SPRY3: variants seen among roughly 807,000 people sequenced by gnomAD.
SPRY3 encodes the protein sprouty RTK signaling antagonist 3.
In SPRY3, 15 loss-of-function variants were observed where a neutral mutation model predicts 20.2. The observed-to-expected ratio is 0.74, with a 90% confidence interval of 0.50 to 1.14. The LOEUF is 1.14. SPRY3 is among the 50% of genes most tolerant of loss of function. The pLI is 0.00. For missense variants in SPRY3, 364 were observed against 363.9 expected, an observed-to-expected ratio of 1.00 and a Z score of 0.00; for synonymous variants, 143 against 136.5, an observed-to-expected ratio of 1.05 and a Z score of -0.33.
intron 2 of SPRY3, among the ~76,000 whole-genome samples, chrX:155,751,469 C>G (rs1363812213): frequency 4.6e-5 from 7 of 151,866 alleles, no homozygotes; most frequent in Admixed American, 1.3e-4. Flanking sequence ...TACAGTTCTA[C>G]CTTCTGCATG....
intron 2 of SPRY3, among the ~76,000 whole-genome samples, chrX:155,735,969 G>T: frequency 6.7e-6 from 1 of 150,104 alleles, no homozygotes; most frequent in East Asian, 2.0e-4. Context: ...TTAGCATATT[G>T]TTTGTTTCCT....
At chrX:155,636,955 A>G (rs949344516) in intron 1 of SPRY3, among the ~76,000 whole-genome samples, 2 of 100,465 alleles carry the variant, frequency 2.0e-5, no homozygotes, top group Admixed American at 1.2e-4. Context: ...AACACCACAT[A>G]TTCTCACTCA....
rs539464460 is a variant in SPRY3 at position 155,744,760 on chromosome X, C to A, written c.-281-23202C>A. Reference sequence around the variant, plus strand: ...AAACAAAGTCTTCAATAGAAACCTGCTGCACCACTCTTAGCAAACTCCTTT... The same window carrying A: ...AAACAAAGTCTTCAATAGAAACCTGATGCACCACTCTTAGCAAACTCCTTT... On this transcript the variant is annotated intron_variant, in intron 2 of 3. Coordinates refer to ENST00000675360, the Ensembl canonical transcript of SPRY3. 1.9e-3 allele frequency among the ~76,000 whole-genome samples: 289 copies of A among 152,130 alleles called. No individual in the cohort carries two copies. In the South Asian group the frequency reaches 0.058, roughly 31 times the overall value.
chrX:155,744,155 T>A (rs1358603785), intron 2 of SPRY3, among the ~76,000 whole-genome samples: 1 of 152,122 alleles, frequency 6.6e-6, no homozygotes, highest in Non-Finnish European at 1.5e-5. Context: ...ACTGGGTGGA[T>A]GTTTGGGAAA....
chrX:155,779,194 C>T (rs1311023696), downstream of SPRY3: 1 of 166,994 alleles, frequency 6.0e-6, no homozygotes, highest in African/African-American at 2.4e-5. Context: ...GCGTGATGGG[C>T]ACTTAAATAT....
In SPRY3 at chrX:155,773,307, G is replaced by GTTTTATATATATAT. The variant is rs4013148; in HGVS notation, c.-106-459_-106-458insTTTTATATATATAT. Among the ~76,000 whole-genome samples the GTTTTATATATATAT allele has an allele frequency of 2.3e-3, 279 of 120,680 alleles. 4 individuals are homozygous for GTTTTATATATATAT. Among genetic ancestry groups the GTTTTATATATATAT allele is most frequent in the East Asian group, 0.012 (44 of 3,720 alleles). 79.2% of individuals were successfully genotyped at this position (120,680 alleles called of 152,430 possible). On this transcript the variant is annotated intron_variant, in intron 3 of 3. Transcript: ENST00000675360. ...CACACTGAAAAGATAATTTTGATTG[G>GTTTTATATATATAT]ATATATATATATATATATATATATA...
At chrX:155,769,662 C>T (rs1311678743) in intron 3 of SPRY3, among the ~76,000 whole-genome samples, 3 of 152,086 alleles carry the variant, frequency 2.0e-5, no homozygotes, top group Non-Finnish European at 2.9e-5. Context: ...ACTAAAAGAC[C>T]TATATCTTTT....
At chrX:155,709,566 C>T (rs2090972899) in intron 2 of SPRY3, among the ~76,000 whole-genome samples, 1 of 151,326 alleles carries the variant, frequency 6.6e-6, no homozygotes, top group African/African-American at 2.4e-5. Flanking sequence ...ATTATCAATT[C>T]CTTGTCAGAT....
chrX:155,765,588 A>G (rs2091322860), intron 2 of SPRY3, among the ~76,000 whole-genome samples: 1 of 152,212 alleles, frequency 6.6e-6, no homozygotes, highest in African/African-American at 2.4e-5. Flanking sequence ...CATAGCAGGC[A>G]TGGTTGAATG....
intron 2 of SPRY3, among the ~76,000 whole-genome samples, chrX:155,757,560 T>C (rs1239101764): frequency 6.6e-6 from 1 of 152,150 alleles, no homozygotes; most frequent in Non-Finnish European, 1.5e-5. Context: ...TTTGGTATTT[T>C]CCATCACCCC....
At position 155,617,674 on chromosome X, in the gene SPRY3, C is replaced by T. The variant is rs113178431; in HGVS notation, c.-441+5027C>T. Among the ~76,000 whole-genome samples, 849 of 111,424 alleles carry T rather than the reference C, an allele frequency of 7.6e-3. 15 individuals are homozygous for T. Among genetic ancestry groups the T allele is most frequent in the African/African-American group, 0.026 (803 of 30,649 alleles). On this transcript the variant is annotated intron_variant, in intron 1 of 3. Coordinates refer to ENST00000675360, the Ensembl canonical transcript of SPRY3. ...GATGTTGGGACGGGTAAACATATGT[C>T]TTGGGGTTTCCAGCAAAACTTTAAA...
At chrX:155,651,059 A>G (rs192731810) in intron 1 of SPRY3, among the ~76,000 whole-genome samples, 2 of 109,579 alleles carry the variant, frequency 1.8e-5, no homozygotes, top group Admixed American at 1.9e-4. Context: ...CTGCATCCTA[A>G]CCACCATTGA....
chrX:155,756,433 C>A (rs2091283733), intron 2 of SPRY3, among the ~76,000 whole-genome samples: 1 of 152,126 alleles, frequency 6.6e-6, no homozygotes, highest in South Asian at 2.1e-4. Context: ...CCATGGTACA[C>A]ATCTGGCATA....
chrX:155,726,517 T>G (rs1326582755), intron 2 of SPRY3, among the ~76,000 whole-genome samples: 1 of 152,168 alleles, frequency 6.6e-6, no homozygotes, highest in Admixed American at 6.5e-5. Context: ...AATGGGTGCA[T>G]ATATATTTAG....
intron 2 of SPRY3, among the ~76,000 whole-genome samples, chrX:155,744,357 C>T (rs746167600): frequency 2.0e-5 from 3 of 152,148 alleles, no homozygotes; most frequent in Non-Finnish European, 4.4e-5. Flanking sequence ...TCCTTAGGAT[C>T]TCCTGAGGCA....
intron 2 of SPRY3, among the ~76,000 whole-genome samples, chrX:155,674,167 T>G (rs782789188): frequency 1.8e-5 from 2 of 111,080 alleles, no homozygotes; most frequent in Non-Finnish European, 3.8e-5. Context: ...CTGGGACGTA[T>G]AGCTAAGACT....
chrX:155,676,018 G>A (rs1557355203), intron 2 of SPRY3, among the ~76,000 whole-genome samples: 2 of 111,098 alleles, frequency 1.8e-5, no homozygotes, highest in Non-Finnish European at 3.8e-5. Context: ...AGCCTTGACT[G>A]AGTTTTACAT....
At chrX:155,717,634 C>G (rs767538914) in intron 2 of SPRY3, among the ~76,000 whole-genome samples, 90 of 152,088 alleles carry the variant, frequency 5.9e-4, no homozygotes, top group Non-Finnish European at 1.2e-3. Flanking sequence ...TCAACTCCCA[C>G]TTTTGAGTGA....
intron 1 of SPRY3, among the ~76,000 whole-genome samples, chrX:155,614,641 G>C (rs2067844650): frequency 9.0e-6 from 1 of 111,155 alleles, no homozygotes; most frequent in South Asian, 3.8e-4. Flanking sequence ...TTTCAGAGCT[G>C]AGATTCAAAC....
Sources: gnomAD v4.1 joint callset for allele counts (sites outside exome capture counted in the v4.1 genomes callset) on GRCh38, gnomAD v4.1.1 for gene constraint, MANE v1.5 for transcripts, NCBI Gene and HGNC (gene_info 2026-07-23, HGNC 2026-07-21) for gene names.